VAV3: variants seen among roughly 807,000 people sequenced by gnomAD.
VAV3 encodes the protein vav guanine nucleotide exchange factor 3, also known as guanine nucleotide exchange factor VAV3.
A neutral mutation model predicts 131.2 loss-of-function variants in VAV3; 94 were observed. The observed-to-expected ratio is 0.72, with a 90% CI of 0.61 to 0.85. The LOEUF (loss-of-function observed/expected upper bound fraction) is 0.85, where lower values mean the gene tolerates loss of function less well. Ranked by LOEUF, VAV3 falls within the 40% of genes least tolerant of loss-of-function variation. The pLI is 0.00. For synonymous variants in VAV3, 349 were observed against 342.0 expected, an observed-to-expected ratio of 1.02 and a Z score of -0.22; for missense variants, 939 against 1,002.7, an observed-to-expected ratio of 0.94 and a Z score of 0.86.
At chr1:107,700,610 T>C (rs553649868) in intron 17 of VAV3, among the ~76,000 whole-genome samples, 15 of 152,358 alleles carry the variant, frequency 9.8e-5, no homozygotes, top group African/African-American at 3.4e-4. Context: ...GCTCCGTCCA[T>C]GTCCCTGTAA....
At chr1:107,717,121 CCT>C (rs1557787561) in intron 15 of VAV3, among the ~76,000 whole-genome samples, 1 of 151,778 alleles carries the variant, frequency 6.6e-6, no homozygotes, top group Admixed American at 6.6e-5. Context: ...ATTTGATTCT[CCT>C]CTCTTTTCTT....
intron 25 of VAV3, among the ~76,000 whole-genome samples, chr1:107,594,205 A>G (rs1488138664): frequency 1.3e-5 from 2 of 152,082 alleles, no homozygotes; most frequent in East Asian, 1.9e-4. Flanking sequence ...ACCACTCTAT[A>G]TAAAAATATG....
chr1:107,776,457 G>A (rs4914959), intron 4 of VAV3, among the ~76,000 whole-genome samples: 115,366 of 152,080 alleles, frequency 0.76, 44,039 homozygotes, highest in Non-Finnish European at 0.81. Context: ...CTCTCTGTAG[G>A]GAAATCTAAG....
At chr1:107,616,780 G>C (rs1653184883) in intron 21 of VAV3, among the ~76,000 whole-genome samples, 2 of 152,142 alleles carry the variant, frequency 1.3e-5, no homozygotes, top group African/African-American at 2.4e-5. Flanking sequence ...TGGAAATTCA[G>C]TAACTACTGA....
chr1:107,750,781 T>C (rs1423757052), intron 13 of VAV3, among the ~76,000 whole-genome samples: 1 of 152,262 alleles, frequency 6.6e-6, no homozygotes, highest in African/African-American at 2.4e-5. Flanking sequence ...CTATTATTTT[T>C]GGTTATTTAA....
chr1:107,656,437 T>C (rs754927328), intron 19 of VAV3, among the ~76,000 whole-genome samples: 1 of 152,136 alleles, frequency 6.6e-6, no homozygotes, highest in Non-Finnish European at 1.5e-5. Flanking sequence ...ATAGAGTATA[T>C]TCATGGTTAC....
At position 107,591,412 on chromosome 1, in the gene VAV3, GATGAATGA is replaced by G. The variant is rs144004213; in HGVS notation, c.2350+4792_2350+4799del. On this transcript the variant is annotated intron_variant, in intron 25 of 26. Transcript: ENST00000370056. ...ACTGAAAATATTTTCAGGATAAAGG[GATGAATGA>G]ATGAATGAATGAATAAATGAATGAA... Among the ~76,000 whole-genome samples, 49 of 152,004 alleles carry G rather than the reference GATGAATGA, an allele frequency of 3.2e-4. No homozygotes were observed. In the East Asian group the frequency reaches 7.2e-3, roughly 22 times the overall value.
At chr1:107,908,096 T>C (rs1181588173) in intron 1 of VAV3, among the ~76,000 whole-genome samples, 1 of 152,212 alleles carries the variant, frequency 6.6e-6, no homozygotes, top group Non-Finnish European at 1.5e-5. Context: ...ACTTTCAAGC[T>C]CTTTCACAGT....
chr1:107,855,448 T>G (rs1043268586), intron 2 of VAV3, among the ~76,000 whole-genome samples: 3 of 152,104 alleles, frequency 2.0e-5, no homozygotes, highest in Non-Finnish European at 4.4e-5. Flanking sequence ...AGATAATTTT[T>G]GTATTTTTTT....
At chr1:107,889,344 G>T (rs1671206431) in intron 1 of VAV3, among the ~76,000 whole-genome samples, 1 of 152,110 alleles carries the variant, frequency 6.6e-6, no homozygotes, top group South Asian at 2.1e-4. Context: ...GCCACGCAAG[G>T]TTTAACACAG....
In VAV3 at chr1:107,576,278, G is replaced by A. The variant is rs374461518; in HGVS notation, c.2351-2080C>T. On this transcript the variant is annotated intron_variant, in intron 25 of 26. Transcript: ENST00000370056. ...AAAGTGCATGGTGGTAATGGAACTC[G>A]AGGGATTGTCTGTGAGGAGATGTAT... The A allele has an allele frequency of 5.5e-4, 455 of 834,386 alleles. 7 individuals carry two copies. In the South Asian group the frequency reaches 8.6e-3, roughly 16 times the overall value. 51.7% of individuals were successfully genotyped at this position (834,386 alleles called of 1,614,324 possible).
Position 107,847,979 on chromosome 1 carries a change from A to G in VAV3, c.321+26922T>C, listed in dbSNP as rs555969580. On this transcript the variant is annotated intron_variant, in intron 2 of 26. Coordinates refer to ENST00000370056, the MANE Select transcript of VAV3 (RefSeq NM_006113.5). ...AACAAAAAACAGAAAACTTCAGGCC[A>G]ATATCTCTGATGAACATCAATGCAA... is the stretch of plus-strand genomic sequence containing the variant. 1.2e-4 allele frequency among the ~76,000 whole-genome samples: 19 copies of G among 152,316 alleles called. No individual in the cohort carries two copies. The South Asian group carries it at 3.3e-3, about 27-fold the overall frequency.
chr1:107,944,451 A>T (rs560430831), intron 1 of VAV3, among the ~76,000 whole-genome samples: 2 of 152,318 alleles, frequency 1.3e-5, no homozygotes, highest in East Asian at 3.9e-4. Flanking sequence ...ATACAGGGAG[A>T]GTGTGTATCC....
intron 1 of VAV3, among the ~76,000 whole-genome samples, chr1:107,880,784 A>T (rs141839350): frequency 9.0e-5 from 13 of 144,206 alleles, no homozygotes; most frequent in African/African-American, 3.4e-4. Flanking sequence ...CAACAAAGTG[A>T]GATTCTGTCT....
intron 1 of VAV3, among the ~76,000 whole-genome samples, chr1:107,912,082 C>T (rs1364550962): frequency 3.3e-5 from 5 of 152,026 alleles, no homozygotes; most frequent in Non-Finnish European, 5.9e-5. Context: ...TGCGTGTTTA[C>T]GTTAGTTTCC....
chr1:107,790,953 T>C (rs1026621177), intron 2 of VAV3, among the ~76,000 whole-genome samples: 1 of 152,106 alleles, frequency 6.6e-6, no homozygotes, highest in Non-Finnish European at 1.5e-5. Context: ...CCCAAACTGC[T>C]GGGATTACAG....
intron 10 of VAV3, among the ~76,000 whole-genome samples, chr1:107,760,456 A>G (rs1664348117): frequency 2.0e-5 from 3 of 152,222 alleles, no homozygotes; most frequent in Admixed American, 1.3e-4. Context: ...GCACTGCAAT[A>G]TTGAGGTGCT....
In VAV3 at chr1:107,874,982, C is replaced by A. The variant is rs750871358; in HGVS notation, c.240G>T (p.Thr80=). The change falls in exon 2 of 27, where the codon ACG becomes ACT. Residue 80 remains threonine (T), a synonymous_variant. Transcript: ENST00000370056. ...LCLKNIRTFL[T]ACCETFGMRK... ...TCATTCCAAACGTCTCACAACAGGC[C>A]GTGAGAAATGTCCTTATGTTCTTCA... The A allele has an allele frequency of 2.5e-6, 4 of 1,613,226 alleles. No individual in the cohort carries two copies. The highest frequency in any genetic ancestry group is 3.4e-6 in the Non-Finnish European group (4 of 1,179,480).
intron 25 of VAV3, among the ~76,000 whole-genome samples, chr1:107,582,895 C>A (rs1319320898): frequency 1.3e-5 from 2 of 152,022 alleles, no homozygotes; most frequent in Non-Finnish European, 2.9e-5. Flanking sequence ...GTCTTTATAG[C>A]AGCATGATTT....
Sources: allele counts gnomAD v4.1 joint callset (sites outside exome capture counted in the v4.1 genomes callset), GRCh38; gene constraint gnomAD v4.1.1; transcripts MANE v1.5; gene names NCBI Gene and HGNC (gene_info 2026-07-23, HGNC 2026-07-21).